Variants in CYP4F8 observed in about 807,000 individuals in gnomAD.
The protein encoded by CYP4F8 is cytochrome P450 family 4 subfamily F member 8, also known as cytochrome P450 4F8.
In CYP4F8, 56 loss-of-function variants were observed where a neutral mutation model predicts 55.0. The ratio of observed to expected loss-of-function variants is 1.02; its 90% CI spans 0.82 to 1.27. The LOEUF is 1.27. CYP4F8 is among the 50% of genes most tolerant of loss of function. The pLI is 0.00. For missense variants in CYP4F8, 680 were observed against 682.4 expected (o/e 1.00, Z 0.04); for synonymous variants, 288 against 267.3 (o/e 1.08, Z -0.76).
chr19:15,617,955 C>A, intron 2 of CYP4F8, 45 bp from the exon 3 acceptor site: 1 of 1,600,918 alleles, frequency 6.2e-7, no homozygotes, highest in South Asian at 1.1e-5. Flanking sequence ...TCCCTTAACC[C>A]AGTCAAGTGG....
At chr19:15,623,890 T>G in intron 8 of CYP4F8, 75 bp from the exon 9 acceptor site, 1 of 1,597,770 alleles carries the variant, frequency 6.3e-7, no homozygotes, top group Non-Finnish European at 8.5e-7. Context: ...CCTGAGAGCC[T>G]CAATGTATGG....
In CYP4F8 at chr19:15,630,311, C is replaced by A. The variant is rs918539678; in HGVS notation, c.*953C>A. 2 of 152,260 alleles carry A rather than the reference C, an allele frequency of 1.3e-5. No individual in the cohort carries two copies. Among genetic ancestry groups the A allele is most frequent in the Middle Eastern group, 3.4e-3 (1 of 294 alleles). 9.4% of individuals were successfully genotyped at this position (152,260 alleles called of 1,614,324 possible). A position where few individuals can be genotyped will look rare whatever the true frequency, so the allele number is the denominator to read the frequency against. ...TAATAGGCAGTTTTTCAGCTTTTCC[C>A]CCTCCCTGCTTCCCCTGTCTAGTAG... On this transcript the variant is annotated 3_prime_UTR_variant, in exon 13 of 13. Transcript: ENST00000612078.
rs557565549 is a variant in CYP4F8 at position 15,626,737 on chromosome 19, C to G, written c.1116-1565C>G. On this transcript the variant is annotated intron_variant, in intron 9 of 12. Coordinates refer to ENST00000612078, the MANE Select transcript of CYP4F8 (RefSeq NM_007253.4). ...TGCACAGAAATCCTTAATTTGCATG[C>G]GTATTTATCCTTTATATTTTATCTT... 4.6e-5 allele frequency among the ~76,000 whole-genome samples: 7 copies of G among 152,224 alleles called. No homozygotes were observed. The South Asian group carries it at 1.4e-3, about 32-fold the overall frequency.
rs2239366 is a variant in CYP4F8 at position 15,629,182 on chromosome 19, T to C, written c.1398-11T>C. ...CCTGGGTGCAGTCAGACCTTCCACC[T>C]TGGCCCCCAGGAACTGCATCGGGCA... On this transcript the variant is annotated splice_polypyrimidine_tract_variant and intron_variant, in intron 12 of 12. Transcript: ENST00000612078. The C allele has an allele frequency of 0.73, 1,170,309 of 1,593,662 alleles. 430,562 individuals carry two copies. The highest frequency in any genetic ancestry group is 0.79 in the Admixed American group (45,353 of 57,670).
intron 9 of CYP4F8, 101 bp from the exon 10 acceptor site, chr19:15,628,201 T>G: frequency 6.6e-7 from 1 of 1,516,800 alleles, no homozygotes; most frequent in Non-Finnish European, 8.9e-7. Context: ...GGAATTAATT[T>G]TGTTATAGGA....
intron 2 of CYP4F8, among the ~76,000 whole-genome samples, chr19:15,617,276 G>A (rs1170684092): frequency 6.6e-6 from 1 of 152,132 alleles, no homozygotes; most frequent in Non-Finnish European, 1.5e-5. Flanking sequence ...CTGTTCCCTG[G>A]GATGTAGCCT....
chr19:15,623,993 C>T lies in CYP4F8; in HGVS notation c.1014C>T (p.Ser338=). 2.5e-6 allele frequency: 4 copies of T among 1,614,214 alleles called. No individual in the cohort carries two copies. Among genetic ancestry groups the T allele is most frequent in the Non-Finnish European group, 3.4e-6 (4 of 1,180,034 alleles). Residue 338 remains serine, a synonymous_variant, in exon 9 of 13, where the codon TCC becomes TCT. Coordinates refer to ENST00000612078, the MANE Select transcript of CYP4F8 (RefSeq NM_007253.4). The part of the protein sequence containing the change: ...GGHDTTASGL[S]WVLYNLARHP... ...ATGACACCACGGCCAGTGGCCTCTC[C>T]TGGGTCTTGTACAACCTCGCGAGGC...
At position 15,615,776 on chromosome 19, in the gene CYP4F8, C is replaced by T; in HGVS notation, c.160C>T (p.Pro54Ser). The change falls in exon 2 of 13, where the codon CCC becomes TCC. Residue 54 changes from proline (P) to serine (S), a missense_variant. Coordinates refer to ENST00000612078, the MANE Select transcript of CYP4F8 (RefSeq NM_007253.4). ...NGRRLRCFPQ[P>S]RKQNWFLGHL... ...CCGCCGCCTCCGGTGTTTCCCGCAG[C>T]CCCGGAAACAGAACTGGTTCTTGGG... The T allele has an allele frequency of 6.2e-7, 1 of 1,613,764 alleles. No individual in the cohort carries two copies. Among genetic ancestry groups the T allele is most frequent in the Non-Finnish European group, 8.5e-7 (1 of 1,179,816 alleles).
intron 9 of CYP4F8, among the ~76,000 whole-genome samples, chr19:15,626,664 T>A (rs1874771804): frequency 6.6e-6 from 1 of 151,916 alleles, no homozygotes; most frequent in African/African-American, 2.4e-5. Context: ...CTTCTCTGAA[T>A]CTCTTATCTC....
chr19:15,629,202 CG>C lies in CYP4F8; in HGVS notation c.1410del (p.Gln471ArgfsTer8). On this transcript the variant is annotated frameshift_variant, in exon 13 of 13. Transcript: ENST00000612078. LOFTEE classifies it low-confidence loss of function (END_TRUNC). ...PFSAGPRNCI[G>X]QKFAMAEMKV... ...CCACCTTGGCCCCCAGGAACTGCAT[CG>C]GGCAGAAGTTCGCGATGGCAGAGAT... The C allele has an allele frequency of 6.2e-7, 1 of 1,608,028 alleles. No individual in the cohort carries two copies. The highest frequency in any genetic ancestry group is 8.5e-7 in the Non-Finnish European group (1 of 1,177,286).
chr19:15,623,661 G>T, intron 7 of CYP4F8, 38 bp from the exon 8 acceptor site: 1 of 1,606,994 alleles, frequency 6.2e-7, no homozygotes, highest in South Asian at 1.1e-5. Flanking sequence ...AGACTCCAGT[G>T]ACCCCAGAAC....
chr19:15,618,586 T>G, intron 3 of CYP4F8: 1 of 327,910 alleles, frequency 3.0e-6, no homozygotes, highest in Non-Finnish European at 5.9e-6. Context: ...CGATGAGTGA[T>G]AATTTTTTTT....
Position 15,622,489 on chromosome 19 carries a change from A to C in CYP4F8, c.647+149A>C, listed in dbSNP as rs1568383472. ...CAAAGAAGGAGAGAAGGAGAGAGAGAGAGAGCGAGAGAAAGAGAAGTTTCC... is the reference window on the plus strand; with the variant it reads ...CAAAGAAGGAGAGAAGGAGAGAGAGCGAGAGCGAGAGAAAGAGAAGTTTCC... On this transcript the variant is annotated intron_variant, in intron 6 of 12. Coordinates refer to ENST00000612078, the MANE Select transcript of CYP4F8 (RefSeq NM_007253.4). 2.5e-6 allele frequency: 3 copies of C among 1,207,854 alleles called. No individual in the cohort carries two copies. The East Asian group carries it at 8.3e-5, about 33-fold the overall frequency. 74.8% of individuals were successfully genotyped at this position (1,207,854 alleles called of 1,614,324 possible).
intron 9 of CYP4F8, among the ~76,000 whole-genome samples, chr19:15,626,715 A>T (rs1401368796): frequency 2.0e-5 from 3 of 152,122 alleles, no homozygotes; most frequent in Non-Finnish European, 4.4e-5. Flanking sequence ...CTTTTACTGC[A>T]CAGAAATCCT....
chr19:15,618,290 T>C (rs1972150158), intron 3 of CYP4F8, 146 bp downstream of exon 3: 2 of 1,231,618 alleles, frequency 1.6e-6, no homozygotes, highest in Non-Finnish European at 2.4e-6. Context: ...TTCCTTCCTG[T>C]AGTCACCAAC....
In CYP4F8 at chr19:15,629,684, G is replaced by GT. The variant is rs1972311862; in HGVS notation, c.*332dup. ...AAATTTTTGCCAATTTAGAATCCCT[G>GT]TTTTTTAGCTAGGTGCATAGCAGCC... On this transcript the variant is annotated 3_prime_UTR_variant, in exon 13 of 13. Transcript: ENST00000612078. The GT allele has an allele frequency of 3.9e-6, 1 of 257,846 alleles. No individual in the cohort carries two copies. The highest frequency in any genetic ancestry group is 7.4e-6 in the Non-Finnish European group (1 of 135,154). The allele number at this position is 257,846 out of a possible 1,614,324, so 16.0% of individuals were successfully genotyped here. A position where few individuals can be genotyped will look rare whatever the true frequency, so the allele number is the denominator to read the frequency against.
Position 15,622,301 on chromosome 19 carries a change from T to A in CYP4F8, c.608T>A (p.Leu203Gln). 6.2e-7 allele frequency: 1 copy of A among 1,610,866 alleles called. No homozygotes were observed. The highest frequency in any genetic ancestry group is 2.2e-5 in the East Asian group (1 of 44,570). ...EHISLMTLDSLQKCIFSFDSN... is the reference protein window; with the variant it reads ...EHISLMTLDSQQKCIFSFDSN... ...ATCAGCCTTATGACCCTGGACAGTC[T>A]GCAGAAATGCATCTTCAGCTTTGAC... is the stretch of plus-strand genomic sequence containing the variant. The change falls in exon 6 of 13, where the codon CTG becomes CAG. Residue 203 changes from leucine to glutamine, a missense_variant. Physicochemically the swap from Leu to Gln is moderately radical, Grantham distance 113. Coordinates refer to ENST00000612078, the MANE Select transcript of CYP4F8 (RefSeq NM_007253.4).
rs752305916 is a variant in CYP4F8 at position 15,623,732 on chromosome 19, A to T, written c.952A>T (p.Ile318Leu). The change falls in exon 8 of 13, where the codon ATA becomes TTA. Residue 318 changes from isoleucine (I) to leucine (L), a missense_variant. By Grantham distance (5) the Ile-to-Leu change is conservative. Transcript: ENST00000612078. Reference sequence around the variant, plus strand: ...TGGTAAAGAGTTGTCAGATGAGGACATAAGAGCAGAAGCTGACACTTTCAT... The same window carrying T: ...TGGTAAAGAGTTGTCAGATGAGGACTTAAGAGCAGAAGCTGACACTTTCAT... ...KNGKELSDED[I>L]RAEADTFMFG... is the part of the protein sequence containing the mutation. The T allele has an allele frequency of 6.2e-7, 1 of 1,614,136 alleles. No homozygotes were observed. Among genetic ancestry groups the T allele is most frequent in the Non-Finnish European group, 8.5e-7 (1 of 1,180,034 alleles).
chr19:15,619,350 T>A, intron 3 of CYP4F8, 140 bp from the exon 4 acceptor site: 4 of 950,052 alleles, frequency 4.2e-6, no homozygotes, highest in South Asian at 1.7e-5. Context: ...CCCTCCTTTC[T>A]TCTTCTGCCC....
Sources: gnomAD v4.1 joint callset for allele counts (sites outside exome capture counted in the v4.1 genomes callset) on GRCh38, gnomAD v4.1.1 for gene constraint, MANE v1.5 for transcripts, NCBI Gene and HGNC (gene_info 2026-07-23, HGNC 2026-07-21) for gene names.